Variants in WDR45B observed in about 807,000 individuals in gnomAD.
WDR45B encodes WD repeat domain phosphoinositide-interacting protein 3.
Under a neutral mutation model 44.6 loss-of-function variants are expected in WDR45B, and 20 were observed. The ratio of observed to expected loss-of-function variants is 0.45; its 90% CI spans 0.32 to 0.65. The LOEUF is 0.65. Among genes scored for constraint, WDR45B ranks in the 30% least tolerant of loss-of-function variants. WDR45B has a pLI of 0.05. For missense variants in WDR45B, 323 were observed against 430.2 expected, an observed-to-expected ratio of 0.75 and a Z score of 2.20; for synonymous variants, 169 against 164.9, an observed-to-expected ratio of 1.02 and a Z score of -0.19.
rs182959500 is a variant in WDR45B at position 82,630,842 on chromosome 17, G to C, written c.244+79C>G. On this transcript the variant is annotated intron_variant, in intron 3 of 9. Transcript: ENST00000392325. ...AGAACTACTAGGGAAAATCACACAT[G>C]GCCACAAACATAAACGCATTCAAAA... 2,581 of 1,351,240 alleles carry C rather than the reference G, an allele frequency of 1.9e-3. 5 individuals carry two copies. Among genetic ancestry groups the C allele is most frequent in the Non-Finnish European group, 2.2e-3 (2,122 of 944,294 alleles). The allele number at this position is 1,351,240 out of a possible 1,614,324, so 83.7% of individuals were successfully genotyped here. A position where few individuals can be genotyped will look rare whatever the true frequency, so the allele number is the denominator to read the frequency against.
intron 6 of WDR45B, among the ~76,000 whole-genome samples, chr17:82,621,329 C>T (rs2045613315): frequency 1.3e-5 from 2 of 152,210 alleles, no homozygotes; most frequent in Non-Finnish European, 2.9e-5. Context: ...GCTGGGATTA[C>T]AGGTTTAGCC....
chr17:82,631,985 G>A (rs1006416308), intron 2 of WDR45B, among the ~76,000 whole-genome samples: 3 of 151,952 alleles, frequency 2.0e-5, no homozygotes, highest in Non-Finnish European at 2.9e-5. Context: ...AGGAGCTGAG[G>A]CAGGAGAATC....
intron 3 of WDR45B, chr17:82,629,895 C>T (rs532869890): frequency 9.2e-5 from 91 of 985,214 alleles, no homozygotes; most frequent in Non-Finnish European, 1.0e-4. Context: ...TGGCATGCGG[C>T]GCCCCCAGAG....
intron 2 of WDR45B, among the ~76,000 whole-genome samples, chr17:82,635,344 T>C (rs1210174368): frequency 6.6e-6 from 1 of 151,812 alleles, no homozygotes; most frequent in East Asian, 1.9e-4. Context: ...CGAGAGACAA[T>C]GTTTAGCCCT....
chr17:82,642,621 T>C (rs1003416269), intron 2 of WDR45B, among the ~76,000 whole-genome samples: 22 of 152,180 alleles, frequency 1.4e-4, no homozygotes, highest in Non-Finnish European at 2.8e-4. Context: ...ACTGGGGCAG[T>C]CTTGGGGACT....
chr17:82,629,327 A>C (rs1257965340), intron 3 of WDR45B, among the ~76,000 whole-genome samples: 1 of 152,184 alleles, frequency 6.6e-6, no homozygotes, highest in Non-Finnish European at 1.5e-5. Context: ...GACACAGACC[A>C]ATTCACCAGC....
chr17:82,644,514 T>C (rs2045953163), intron 1 of WDR45B: 2 of 199,680 alleles, frequency 1.0e-5, no homozygotes, highest in South Asian at 1.8e-4. Context: ...CACCTATAAA[T>C]CATCCTAACT....
rs2045516548 is a variant in WDR45B at position 82,615,309 on chromosome 17, GACC to G, written c.*607_*609del. On this transcript the variant is annotated 3_prime_UTR_variant, in exon 10 of 10. Coordinates refer to ENST00000392325, the MANE Select transcript of WDR45B (RefSeq NM_019613.4). ...CACAGGTGACGTCACGGGCACAGAT[GACC>G]ACGTTGCGGGTACGGAGAAGACCAC... The G allele has an allele frequency of 6.2e-6, 1 of 160,230 alleles. No homozygotes were observed. The allele number at this position is 160,230 out of a possible 1,614,324, so 9.9% of individuals were successfully genotyped here. A position where few individuals can be genotyped will look rare whatever the true frequency, so the allele number is the denominator to read the frequency against.
chr17:82,646,392 C>A (rs1435182510), intron 1 of WDR45B, among the ~76,000 whole-genome samples: 1 of 144,674 alleles, frequency 6.9e-6, no homozygotes, highest in African/African-American at 2.6e-5. Context: ...GAGGCTGAGA[C>A]AGGAGAATTG....
intron 7 of WDR45B, 83 bp from the exon 8 acceptor site, chr17:82,617,480 GTGGA>G: frequency 7.4e-7 from 1 of 1,349,256 alleles, no homozygotes; most frequent in Non-Finnish European, 1.1e-6. Context: ...TGTCGACACT[GTGGA>G]ACACCTCAAC....
intron 2 of WDR45B, among the ~76,000 whole-genome samples, chr17:82,639,913 GTC>G (rs1348914573): frequency 6.7e-6 from 1 of 148,634 alleles, no homozygotes; most frequent in Admixed American, 6.7e-5. Flanking sequence ...TGTGTGTCGG[GTC>G]AGGTGGGCTG....
intron 1 of WDR45B, among the ~76,000 whole-genome samples, chr17:82,646,997 C>T (rs1188872486): frequency 1.3e-5 from 2 of 152,026 alleles, no homozygotes; most frequent in African/African-American, 4.8e-5. Context: ...TTTGGGAGGC[C>T]GAGGCGGGTG....
chr17:82,624,532 T>C (rs2045666343), intron 5 of WDR45B, among the ~76,000 whole-genome samples: 1 of 152,148 alleles, frequency 6.6e-6, no homozygotes, highest in Non-Finnish European at 1.5e-5. Flanking sequence ...AGTGCTGGGA[T>C]TACAGGCGTG....
intron 8 of WDR45B, 24 bp from the exon 9 acceptor site, chr17:82,616,669 G>C: frequency 1.9e-6 from 3 of 1,613,978 alleles, no homozygotes; most frequent in Middle Eastern, 1.6e-4. Flanking sequence ...AAAAGAAAGG[G>C]TGGTTCAAAG....
At chr17:82,618,543 C>T (rs1011238986) in intron 7 of WDR45B, among the ~76,000 whole-genome samples, 11 of 152,294 alleles carry the variant, frequency 7.2e-5, no homozygotes, top group Admixed American at 7.2e-4. Context: ...AACCCAAGCC[C>T]GCCAGCCAGG....
chr17:82,629,176 A>C (rs1305170729), intron 3 of WDR45B, among the ~76,000 whole-genome samples: 1 of 152,228 alleles, frequency 6.6e-6, no homozygotes, highest in Non-Finnish European at 1.5e-5. Context: ...AGATTATCTC[A>C]TACAAATGGC....
At chr17:82,626,333 C>G (rs2045696894) in intron 4 of WDR45B, among the ~76,000 whole-genome samples, 1 of 150,926 alleles carries the variant, frequency 6.6e-6, no homozygotes, top group African/African-American at 2.4e-5. Context: ...GTCAAGGGAT[C>G]AAGACCATCC....
intron 2 of WDR45B, among the ~76,000 whole-genome samples, chr17:82,641,829 C>A (rs758521243): frequency 6.7e-6 from 1 of 150,122 alleles, no homozygotes; most frequent in African/African-American, 2.5e-5. Context: ...ACCCGGGAGG[C>A]GGAGCTTGCA....
chr17:82,635,899 C>A (rs1255209312), intron 2 of WDR45B, among the ~76,000 whole-genome samples: 1 of 151,706 alleles, frequency 6.6e-6, no homozygotes, highest in Non-Finnish European at 1.5e-5. Flanking sequence ...ACCAGCGCGA[C>A]CAACATGGAA....
Sources: allele counts gnomAD v4.1 joint callset (sites outside exome capture counted in the v4.1 genomes callset), GRCh38; gene constraint gnomAD v4.1.1; transcripts MANE v1.5; gene names NCBI Gene and HGNC (gene_info 2026-07-23, HGNC 2026-07-21).